The following ENPP3 variants were observed in gnomAD, a reference collection of about 807,000 sequenced individuals.
ENPP3 encodes ectonucleotide pyrophosphatase/phosphodiesterase 3, also known as ectonucleotide pyrophosphatase/phosphodiesterase family member 3.
Under a neutral mutation model 117.8 loss-of-function variants are expected in ENPP3, and 104 were observed. That is an observed-to-expected ratio of 0.88 (90% CI 0.75 to 1.04). ENPP3 has a LOEUF of 1.04. Among genes scored for constraint, ENPP3 ranks in the 50% least tolerant of loss-of-function variants. ENPP3 has a pLI of 0.00. For missense variants in ENPP3, 1,026 were observed against 1,051.9 expected (o/e 0.98, Z 0.34); for synonymous variants, 380 against 349.9 (o/e 1.09, Z -0.96).
At position 131,637,337 on chromosome 6, in the gene ENPP3, G is replaced by A; in HGVS notation, c.-48G>A. 1 of 1,178,340 alleles carries A rather than the reference G, an allele frequency of 8.5e-7. No individual in the cohort carries two copies. 73.0% of individuals were successfully genotyped at this position (1,178,340 alleles called of 1,614,324 possible). On this transcript the variant is annotated 5_prime_UTR_variant, in exon 1 of 25. Transcript: ENST00000357639. Reference sequence around the variant, plus strand: ...TCTTTGCCAGACTAGACTAAAGAAGGAGCACTAATTTATTCTGATAAAACA... The same window carrying A: ...TCTTTGCCAGACTAGACTAAAGAAGAAGCACTAATTTATTCTGATAAAACA...
intron 19 of ENPP3, among the ~76,000 whole-genome samples, chr6:131,725,096 C>T (rs1041610802): frequency 1.3e-5 from 2 of 151,462 alleles, no homozygotes; most frequent in African/African-American, 2.4e-5. Context: ...GATGGTGCAC[C>T]CTTGTAATCC....
At chr6:131,663,147 G>A (rs1304995514) in intron 6 of ENPP3, among the ~76,000 whole-genome samples, 1 of 147,778 alleles carries the variant, frequency 6.8e-6, no homozygotes. Flanking sequence ...TCTTTCCTAT[G>A]TGGTTGCCTT....
chr6:131,724,033 C>A lies in ENPP3; in HGVS notation c.1747-7C>A. On this transcript the variant is annotated splice_region_variant and splice_polypyrimidine_tract_variant and intron_variant, in intron 18 of 24. Coordinates refer to ENST00000357639, the MANE Select transcript of ENPP3 (RefSeq NM_005021.5). ...CCTCCCCTTTCCCATCCCTCATTAT[C>A]TTGCAGAGTACTCAGCTGGAACAAG... 3.7e-6 allele frequency: 6 copies of A among 1,607,650 alleles called. No homozygotes were observed. Among genetic ancestry groups the A allele is most frequent in the Non-Finnish European group, 5.1e-6 (6 of 1,174,872 alleles).
At chr6:131,663,669 G>C (rs1206026921) in intron 6 of ENPP3, among the ~76,000 whole-genome samples, 1 of 150,654 alleles carries the variant, frequency 6.6e-6, no homozygotes, top group Non-Finnish European at 1.5e-5. Flanking sequence ...ACTCCATCCT[G>C]GGTAACAGAG....
chr6:131,663,524 C>CA (rs766427836), intron 6 of ENPP3, among the ~76,000 whole-genome samples: 1,071 of 83,536 alleles, frequency 0.013, 16 homozygotes, highest in African/African-American at 0.035. Context: ...CTGTCTCTAC[C>CA]AAAAAAAAAA....
chr6:131,720,401 C>A (rs768298413), intron 17 of ENPP3, 22 bp downstream of exon 17: 2 of 1,278,740 alleles, frequency 1.6e-6, no homozygotes, highest in South Asian at 2.7e-5. Flanking sequence ...TAAATAAGTT[C>A]GCCAACAAAA....
chr6:131,696,117 A>G (rs1779399951), intron 15 of ENPP3, among the ~76,000 whole-genome samples: 1 of 152,194 alleles, frequency 6.6e-6, no homozygotes, highest in Non-Finnish European at 1.5e-5. Flanking sequence ...CATCATCATC[A>G]TCTTTATTTT....
chr6:131,731,228 G>C (rs1490442467), intron 20 of ENPP3, among the ~76,000 whole-genome samples: 1 of 152,012 alleles, frequency 6.6e-6, no homozygotes, highest in Non-Finnish European at 1.5e-5. Context: ...TTATTCCCCA[G>C]TGTCTAGTGG....
intron 14 of ENPP3, among the ~76,000 whole-genome samples, chr6:131,689,218 AT>A (rs1779225424): frequency 6.6e-6 from 1 of 152,206 alleles, no homozygotes; most frequent in Admixed American, 6.5e-5. Flanking sequence ...TAAGCAACAT[AT>A]TTTCAATGTA....
intron 1 of ENPP3, among the ~76,000 whole-genome samples, chr6:131,638,933 A>G (rs1777983256): frequency 2.7e-5 from 4 of 150,622 alleles, no homozygotes; most frequent in African/African-American, 9.8e-5. Context: ...GTAGCTGGGG[A>G]CTATGTGTGT....
At chr6:131,741,878 C>T (rs1780534807) in intron 24 of ENPP3, among the ~76,000 whole-genome samples, 1 of 152,142 alleles carries the variant, frequency 6.6e-6, no homozygotes, top group Non-Finnish European at 1.5e-5. Flanking sequence ...TATATTCTTT[C>T]AGGTGTTCAA....
chr6:131,745,740 G>T (rs1016553880), intron 24 of ENPP3, among the ~76,000 whole-genome samples: 7 of 152,100 alleles, frequency 4.6e-5, no homozygotes, highest in African/African-American at 1.7e-4. Flanking sequence ...TGGGGAAATG[G>T]GAATTATCTT....
chr6:131,647,932 G>A (rs1778184053), intron 2 of ENPP3, among the ~76,000 whole-genome samples: 1 of 152,062 alleles, frequency 6.6e-6, no homozygotes, highest in Admixed American at 6.6e-5. Context: ...TATTCTTGTA[G>A]AAATTTTATA....
At chr6:131,646,673 T>A (rs1778158783) in intron 2 of ENPP3, among the ~76,000 whole-genome samples, 1 of 151,876 alleles carries the variant, frequency 6.6e-6, no homozygotes, top group Non-Finnish European at 1.5e-5. Flanking sequence ...TTTCTCTTAC[T>A]TAATGACCTT....
intron 15 of ENPP3, chr6:131,699,581 AAC>A (rs1381693105): frequency 2.0e-5 from 3 of 152,176 alleles, no homozygotes; most frequent in Non-Finnish European, 4.4e-5. Context: ...TTCAGCGGCA[AAC>A]ACAGGAAGAT....
Position 131,653,813 on chromosome 6 carries a change from G to T in ENPP3, c.464+922G>T, listed in dbSNP as rs531839026. Among the ~76,000 whole-genome samples the T allele has an allele frequency of 2.0e-5, 3 of 152,206 alleles. No individual in the cohort carries two copies. The South Asian group carries it at 6.2e-4, about 32-fold the overall frequency. On this transcript the variant is annotated intron_variant, in intron 5 of 24. Coordinates refer to ENST00000357639, the MANE Select transcript of ENPP3 (RefSeq NM_005021.5). ...TTGAAATGAAAGGAGGTCCTTGAAG[G>T]GTGAATGAGGAGAGCTTTGTCAGGG...
intron 1 of ENPP3, chr6:131,638,394 T>C (rs142046526): frequency 1.2e-4 from 47 of 382,050 alleles, no homozygotes; most frequent in African/African-American, 9.2e-4. Flanking sequence ...TAAGATCTCT[T>C]AAGAAATCTC....
intron 20 of ENPP3, 129 bp downstream of exon 20, chr6:131,726,329 A>T: frequency 1.4e-6 from 1 of 721,876 alleles, no homozygotes; most frequent in Non-Finnish European, 2.3e-6. Flanking sequence ...AGCTTGCAAG[A>T]CAATGTGCAA....
rs386408628 is a variant in ENPP3, at chr6:131,732,729, A to ATTC, written c.1954-857_1954-856insCTT. ...CTAAGACATTATTATTATTATTATT[A>ATTC]TTATTATTATTATTATTATTATTTT... On this transcript the variant is annotated intron_variant, in intron 20 of 24. Transcript: ENST00000357639. Among the ~76,000 whole-genome samples, 32 of 144,198 alleles carry ATTC rather than the reference A, an allele frequency of 2.2e-4. 1 individual carries two copies. Among genetic ancestry groups the ATTC allele is most frequent in the Admixed American group, 7.0e-5 (1 of 14,232 alleles). The allele number at this position is 144,198 out of a possible 152,430, so 94.6% of individuals were successfully genotyped here. A position where few individuals can be genotyped will look rare whatever the true frequency, so the allele number is the denominator to read the frequency against.
Sources: gnomAD v4.1 joint callset for allele counts (sites outside exome capture counted in the v4.1 genomes callset) on GRCh38, gnomAD v4.1.1 for gene constraint, MANE v1.5 for transcripts, NCBI Gene and HGNC (gene_info 2026-07-23, HGNC 2026-07-21) for gene names.